The following ASB15 variants were observed in gnomAD, a reference collection of about 807,000 sequenced individuals.
ASB15 encodes the protein ankyrin repeat and SOCS box protein 15.
Under a neutral mutation model 58.0 loss-of-function variants are expected in ASB15, and 54 were observed. The ratio of observed to expected loss-of-function variants is 0.93; its 90% CI spans 0.75 to 1.17. The LOEUF is 1.17. ASB15 is among the 50% of genes most tolerant of loss of function. The probability of loss-of-function intolerance (pLI) is 0.00; values close to 1 mark genes in which losing one functional copy is unlikely to be tolerated. For synonymous variants in ASB15, 249 were observed against 262.4 expected (o/e 0.95, Z 0.50); for missense variants, 680 against 707.4 (o/e 0.96, Z 0.44).
intron 2 of ASB15, among the ~76,000 whole-genome samples, chr7:123,606,616 G>C: frequency 6.6e-6 from 1 of 151,990 alleles, no homozygotes; most frequent in Non-Finnish European, 1.5e-5. Flanking sequence ...TGTACCCCTT[G>C]GCCAGCACCT....
chr7:123,628,560 A>G (rs558496248), intron 9 of ASB15, among the ~76,000 whole-genome samples: 4 of 152,316 alleles, frequency 2.6e-5, no homozygotes, highest in African/African-American at 9.6e-5. Context: ...TAAATATTAT[A>G]TTGTTCAGAG....
chr7:123,619,633 G>C (rs187183012), intron 7 of ASB15, among the ~76,000 whole-genome samples: 3 of 151,926 alleles, frequency 2.0e-5, no homozygotes, highest in African/African-American at 4.8e-5. Flanking sequence ...AAGCCATTCT[G>C]CTGCCTCAGC....
At chr7:123,595,331 C>T (rs560548089) in intron 1 of ASB15, among the ~76,000 whole-genome samples, 1 of 152,322 alleles carries the variant, frequency 6.6e-6, no homozygotes, top group African/African-American at 2.4e-5. Context: ...ATCCCTTCAA[C>T]ATGGCACATC....
In ASB15 at chr7:123,624,608, T is replaced by C. The variant is rs767430385; in HGVS notation, c.491T>C (p.Ile164Thr). ...TCCTATGACATGGTGTCGACTCTGA[T>C]CAAACATAACACTAGCCTAGACCAG... ...KGSYDMVSTL[I>T]KHNTSLDQPC... Residue 164 changes from isoleucine (I) to threonine (T), a missense_variant, in exon 8 of 12, where the codon ATC becomes ACC. Coordinates refer to ENST00000451215, the MANE Select transcript of ASB15 (RefSeq NM_001290258.2). The C allele has an allele frequency of 8.1e-6, 13 of 1,613,730 alleles. No individual in the cohort carries two copies. The highest frequency in any genetic ancestry group is 1.1e-5 in the Non-Finnish European group (13 of 1,179,674).
Position 123,638,394 on chromosome 7 carries a change from AG to A in ASB15, c.*1415del, listed in dbSNP as rs1802524124. The A allele has an allele frequency of 6.6e-6, 1 of 152,126 alleles. No homozygotes were observed. The highest frequency in any genetic ancestry group is 2.1e-4 in the South Asian group (1 of 4,824). The allele number at this position is 152,126 out of a possible 1,614,324, so 9.4% of individuals were successfully genotyped here. A position where few individuals can be genotyped will look rare whatever the true frequency, so the allele number is the denominator to read the frequency against. On this transcript the variant is annotated 3_prime_UTR_variant, in exon 12 of 12. Coordinates refer to ENST00000451215, the MANE Select transcript of ASB15 (RefSeq NM_001290258.2). The stretch of plus-strand genomic sequence containing the variant: ...TTTAAACACTGATTCCCAGACTTCA[AG>A]GTGTCATACACTAATAGGTTTTATT...
At chr7:123,567,346 T>TA (rs1489661248) in intron 1 of ASB15, among the ~76,000 whole-genome samples, 1 of 152,168 alleles carries the variant, frequency 6.6e-6, no homozygotes, top group Non-Finnish European at 1.5e-5. Flanking sequence ...AGATGAATGT[T>TA]GGGAAGTTCT....
At chr7:123,601,290 T>C (rs776481033), upstream of ASB15, among the ~76,000 whole-genome samples, 20 of 152,206 alleles carry the variant, frequency 1.3e-4, no homozygotes, top group Non-Finnish European at 1.0e-4. Flanking sequence ...TTAGACTATA[T>C]ATGCTCAATA....
intron 3 of ASB15, among the ~76,000 whole-genome samples, chr7:123,610,403 C>T (rs1018293942): frequency 2.6e-5 from 4 of 152,150 alleles, no homozygotes; most frequent in Non-Finnish European, 5.9e-5. Context: ...TTACTATTGC[C>T]AAATGTATCA....
intron 1 of ASB15, among the ~76,000 whole-genome samples, chr7:123,582,247 A>G (rs2116321717): frequency 6.6e-6 from 1 of 151,976 alleles, no homozygotes; most frequent in African/African-American, 2.4e-5. Context: ...TCCCTGTGGA[A>G]GGAAGGATGT....
chr7:123,593,239 T>C (rs1799594008), intron 1 of ASB15, among the ~76,000 whole-genome samples: 1 of 152,202 alleles, frequency 6.6e-6, no homozygotes, highest in Admixed American at 6.5e-5. Context: ...TGCCAGTCTG[T>C]GTCTTGTAAT....
intron 1 of ASB15, among the ~76,000 whole-genome samples, chr7:123,578,246 T>A (rs544861070): frequency 6.6e-6 from 1 of 150,944 alleles, no homozygotes; most frequent in Non-Finnish European, 1.5e-5. Context: ...ATATTTTGTA[T>A]CAGTTGGAAA....
chr7:123,588,719 TC>T (rs1467273724), intron 1 of ASB15, among the ~76,000 whole-genome samples: 1 of 151,730 alleles, frequency 6.6e-6, no homozygotes, highest in Non-Finnish European at 1.5e-5. Flanking sequence ...GCTATGCTCT[TC>T]CCTTTTAGAA....
At chr7:123,572,877 T>C (rs1352703333) in intron 1 of ASB15, among the ~76,000 whole-genome samples, 1 of 152,180 alleles carries the variant, frequency 6.6e-6, no homozygotes, top group Non-Finnish European at 1.5e-5. Flanking sequence ...ACCCTTATTT[T>C]ATGCTATTTA....
chr7:123,589,953 C>T (rs1799487619), intron 1 of ASB15, among the ~76,000 whole-genome samples: 1 of 152,172 alleles, frequency 6.6e-6, no homozygotes, highest in Non-Finnish European at 1.5e-5. Flanking sequence ...AAAAGCGTTC[C>T]TATTTCTCCA....
intron 1 of ASB15, among the ~76,000 whole-genome samples, chr7:123,596,658 G>T (rs1255523271): frequency 1.3e-5 from 2 of 151,948 alleles, no homozygotes; most frequent in Non-Finnish European, 2.9e-5. Flanking sequence ...AAGAGAAAAA[G>T]AAAAATTTGA....
intron 1 of ASB15, among the ~76,000 whole-genome samples, chr7:123,589,890 G>A (rs531822021): frequency 2.6e-4 from 40 of 152,212 alleles, no homozygotes; most frequent in Admixed American, 1.6e-3. Flanking sequence ...TTGAGGAATC[G>A]CCACGCTGTC....
chr7:123,599,621 A>G (rs1799808840), upstream of ASB15, among the ~76,000 whole-genome samples: 1 of 152,132 alleles, frequency 6.6e-6, no homozygotes, highest in Admixed American at 6.5e-5. Flanking sequence ...ATGCTACCTA[A>G]ATTTCTTATT....
chr7:123,628,805 G>C, intron 9 of ASB15, 59 bp from the exon 10 acceptor site: 1 of 1,210,388 alleles, frequency 8.3e-7, no homozygotes, highest in Non-Finnish European at 1.1e-6. Context: ...GAGAACGGTA[G>C]TTTATTTAAT....
rs1304828071 is a variant in ASB15 at position 123,616,368 on chromosome 7, C to T, written c.165C>T (p.His55=). 1.9e-6 allele frequency: 3 copies of T among 1,609,986 alleles called. No homozygotes were observed. The highest frequency in any genetic ancestry group is 2.5e-6 in the Non-Finnish European group (3 of 1,177,024). The change falls in exon 6 of 12, where the codon CAC becomes CAT. Residue 55 remains histidine, a synonymous_variant. Transcript: ENST00000451215. ...CAGTCCATGTGTTTAATTTAGGTCA[C>T]ATTCCTGAGCTCCAGGAGTATGTAA... ...RKLVEAIKQG[H]IPELQEYVKY... is the part of the protein sequence containing the mutation.
Sources: gnomAD v4.1 joint callset for allele counts (sites outside exome capture counted in the v4.1 genomes callset) on GRCh38, gnomAD v4.1.1 for gene constraint, MANE v1.5 for transcripts, NCBI Gene and HGNC (gene_info 2026-07-23, HGNC 2026-07-21) for gene names.